The following CHD9 variants were observed in gnomAD, a reference collection of about 807,000 sequenced individuals.
CHD9 encodes ATP-dependent chromatin remodeler CHD9.
In CHD9, 77 loss-of-function variants were observed where a neutral mutation model predicts 316.1. The observed-to-expected ratio is 0.24, with a 90% CI of 0.20 to 0.29. The LOEUF is 0.29. CHD9 is among the 10% of genes least tolerant of loss of function. The pLI is 1.00. For synonymous variants in CHD9, 1,129 were observed against 1,158.3 expected (o/e 0.97, Z 0.51); for missense variants, 2,763 against 3,438.1 (o/e 0.80, Z 4.91).
chr16:53,187,784 T>A (rs1403418664), intron 2 of CHD9, among the ~76,000 whole-genome samples: 2 of 152,156 alleles, frequency 1.3e-5, no homozygotes, highest in Admixed American at 6.5e-5. Flanking sequence ...GGACTTTTTG[T>A]ATATTATGGA....
rs942598063 is a variant in CHD9, at chr16:53,187,233, T to C, written c.1453-22249T>C. Among the ~76,000 whole-genome samples, 5 of 152,076 alleles carry C rather than the reference T, an allele frequency of 3.3e-5. No individual in the cohort carries two copies. In the East Asian group the frequency reaches 9.7e-4, roughly 29 times the overall value. ...AGAAAGTGTAGAGGGAGAAGCCAGG[T>C]GCAGTCACTCATGCCTGTAATCCCA... On this transcript the variant is annotated intron_variant, in intron 2 of 38. Transcript: ENST00000447540.
At chr16:53,092,214 G>C (rs2036005598) in intron 1 of CHD9, among the ~76,000 whole-genome samples, 1 of 152,224 alleles carries the variant, frequency 6.6e-6, no homozygotes, top group Admixed American at 6.5e-5. Context: ...GAGAGCTGCA[G>C]CCTGGCGCAG....
chr16:53,323,799 C>G (rs1358996740), intron 38 of CHD9, among the ~76,000 whole-genome samples: 2 of 152,176 alleles, frequency 1.3e-5, no homozygotes, highest in South Asian at 2.1e-4. Flanking sequence ...CTAAAGACCT[C>G]TTTACTCACT....
intron 34 of CHD9, 39 bp from the exon 35 acceptor site, chr16:53,314,338 T>C (rs1720166459): frequency 1.4e-6 from 2 of 1,467,106 alleles, no homozygotes; most frequent in Non-Finnish European, 1.8e-6. Context: ...GTTTAAGAAC[T>C]AAATTTGTAT....
At chr16:53,259,049 A>AT (rs2050843759) in intron 19 of CHD9, among the ~76,000 whole-genome samples, 1 of 152,174 alleles carries the variant, frequency 6.6e-6, no homozygotes, top group African/African-American at 2.4e-5. Flanking sequence ...CAGAGATTTA[A>AT]TGGCGGAAGG....
chr16:53,153,188 A>C (rs2041253732), intron 1 of CHD9, among the ~76,000 whole-genome samples: 1 of 152,232 alleles, frequency 6.6e-6, no homozygotes, highest in Non-Finnish European at 1.5e-5. Flanking sequence ...GCAACAAGTA[A>C]ATTGAAGACA....
chr16:53,055,488 A>ACCCCCC (rs2031958493), intron 1 of CHD9, among the ~76,000 whole-genome samples: 2 of 115,798 alleles, frequency 1.7e-5, no homozygotes, highest in Admixed American at 8.6e-5. Context: ...CCCTAGTTCC[A>ACCCCCC]CCCCCGCCCC....
chr16:53,144,399 A>G (rs975875729), intron 1 of CHD9, among the ~76,000 whole-genome samples: 7 of 152,178 alleles, frequency 4.6e-5, no homozygotes, highest in Non-Finnish European at 1.0e-4. Flanking sequence ...GGTCTCTGTT[A>G]AGAAGAAAAC....
At chr16:53,195,876 A>C (rs1182104450) in intron 2 of CHD9, among the ~76,000 whole-genome samples, 1 of 151,616 alleles carries the variant, frequency 6.6e-6, no homozygotes, top group Non-Finnish European at 1.5e-5. Flanking sequence ...TCACACCTGA[A>C]TCTCCCAAGT....
chr16:53,146,673 C>A (rs917293427), intron 1 of CHD9, among the ~76,000 whole-genome samples: 10 of 150,904 alleles, frequency 6.6e-5, no homozygotes, highest in Non-Finnish European at 1.5e-4. Flanking sequence ...GTGACACATG[C>A]CTGTAATCCC....
intron 3 of CHD9, among the ~76,000 whole-genome samples, chr16:53,212,131 G>A (rs1039007555): frequency 6.6e-6 from 1 of 152,196 alleles, no homozygotes; most frequent in African/African-American, 2.4e-5. Flanking sequence ...GCTGGGCGCG[G>A]TGGCTCATGC....
At chr16:53,097,238 A>G (rs2036449033) in intron 1 of CHD9, among the ~76,000 whole-genome samples, 1 of 152,234 alleles carries the variant, frequency 6.6e-6, no homozygotes, top group Admixed American at 6.5e-5. Context: ...ATAATTGGTT[A>G]TAATTTCTCA....
chr16:53,228,190 T>C (rs2152920454), intron 7 of CHD9, among the ~76,000 whole-genome samples: 1 of 152,220 alleles, frequency 6.6e-6, no homozygotes, highest in South Asian at 2.1e-4. Context: ...ATAGACAGCA[T>C]TCATTGTATT....
intron 22 of CHD9, among the ~76,000 whole-genome samples, chr16:53,271,643 AAGG>A (rs2052281468): frequency 6.6e-6 from 1 of 152,120 alleles, no homozygotes; most frequent in Non-Finnish European, 1.5e-5. Context: ...GGATTTCAAA[AAGG>A]AGGACACCTT....
At chr16:53,314,600 T>A in intron 35 of CHD9, 84 bp downstream of exon 35, 1 of 1,184,174 alleles carries the variant, frequency 8.4e-7, no homozygotes, top group Non-Finnish European at 1.2e-6. Context: ...TTGTGAATGT[T>A]TTATAGACTA....
intron 12 of CHD9, among the ~76,000 whole-genome samples, chr16:53,240,815 C>T (rs1299915109): frequency 6.6e-6 from 1 of 152,026 alleles, no homozygotes; most frequent in African/African-American, 2.4e-5. Flanking sequence ...TTCACTTAAT[C>T]TTTGTAATAT....
chr16:53,255,561 TA>T lies in CHD9; in HGVS notation c.4030-31del, dbSNP rs560659101. The T allele has an allele frequency of 8.9e-4, 1,397 of 1,571,616 alleles. 8 individuals are homozygous for T. The highest frequency in any genetic ancestry group is 7.5e-3 in the South Asian group (654 of 87,390). On this transcript the variant is annotated intron_variant, in intron 18 of 38. Transcript: ENST00000447540. ...GGATACTTTCTCACTTTATGAACTTTAAAAAAAACTATTTTTATGGAAGTTA... is the reference window on the plus strand; with the variant it reads ...GGATACTTTCTCACTTTATGAACTTTAAAAAAACTATTTTTATGGAAGTTA...
chr16:53,131,652 G>C (rs1240018963), intron 1 of CHD9, among the ~76,000 whole-genome samples: 2 of 151,890 alleles, frequency 1.3e-5, no homozygotes, highest in Admixed American at 6.6e-5. Flanking sequence ...GCGCGAGGTC[G>C]GGGCCTCCCC....
Position 53,321,601 on chromosome 16 carries a change from C to T in CHD9, c.7789C>T (p.Pro2597Ser). 1.3e-6 allele frequency: 2 copies of T among 1,534,158 alleles called. No homozygotes were observed. The highest frequency in any genetic ancestry group is 1.9e-5 in the Admixed American group (1 of 52,798). ...AGAAAATTCAGAATATGGAGTAGCTCCTGAATGGGGAGATGTTGTTAAGCA... is the reference window on the plus strand; with the variant it reads ...AGAAAATTCAGAATATGGAGTAGCTTCTGAATGGGGAGATGTTGTTAAGCA... ...LKENSEYGVA[P>S]EWGDVVKQSG... is the part of the protein sequence containing the mutation. Residue 2597 changes from proline to serine, a missense_variant, in exon 38 of 39, where the codon CCT (proline) becomes TCT (serine). Physicochemically the swap from Pro to Ser is moderately conservative, Grantham distance 74. Coordinates refer to ENST00000447540, the MANE Select transcript of CHD9 (RefSeq NM_001308319.2).
Sources: allele counts gnomAD v4.1 joint callset (sites outside exome capture counted in the v4.1 genomes callset), GRCh38; gene constraint gnomAD v4.1.1; transcripts MANE v1.5; gene names NCBI Gene and HGNC (gene_info 2026-07-23, HGNC 2026-07-21).